Variants in PLG observed in about 807,000 individuals in gnomAD.
PLG encodes plasmin.
Under a neutral mutation model 104.4 loss-of-function variants are expected in PLG, and 41 were observed. That is an observed-to-expected ratio of 0.39 (90% confidence interval 0.31 to 0.51). PLG has a LOEUF of 0.51. Ranked by LOEUF, PLG falls within the 20% of genes least tolerant of loss-of-function variation. The pLI is 0.76. For missense variants in PLG, 891 were observed against 1,003.6 expected, an observed-to-expected ratio of 0.89 and a Z score of 1.52; for synonymous variants, 337 against 357.1, an observed-to-expected ratio of 0.94 and a Z score of 0.63.
chr6:160,732,002 G>A lies in PLG; in HGVS notation c.1587+109G>A. 2 of 1,096,028 alleles carry A rather than the reference G, an allele frequency of 1.8e-6. No individual in the cohort carries two copies. The highest frequency in any genetic ancestry group is 2.8e-6 in the Non-Finnish European group (2 of 718,354). 67.9% of individuals were successfully genotyped at this position (1,096,028 alleles called of 1,614,324 possible). On this transcript the variant is annotated intron_variant, in intron 12 of 18. Transcript: ENST00000308192. The surrounding 1 kb of genome is among the most constrained non-coding windows in gnomAD (Gnocchi z 4.5). ...ACCTGGACTGCTCTTTTTTGTAATG[G>A]GGGAGAGGGGACAGAAGAAAATATT...
At chr6:160,715,840 AAGG>A (rs1777718828) in intron 6 of PLG, among the ~76,000 whole-genome samples, 1 of 152,236 alleles carries the variant, frequency 6.6e-6, no homozygotes, top group Non-Finnish European at 1.5e-5. Flanking sequence ...AGGAAACCAG[AAGG>A]AGAAGAGGAT....
intron 1 of PLG, chr6:160,706,196 G>C: frequency 1.6e-6 from 1 of 630,140 alleles, no homozygotes; most frequent in Non-Finnish European, 2.8e-6. Context: ...GTAGTCCCCA[G>C]TGTCTTTAGT....
rs182389129 is a variant in PLG at position 160,744,834 on chromosome 6, A to G, written c.2125+3417A>G. 1.3e-3 allele frequency among the ~76,000 whole-genome samples: 203 copies of G among 152,306 alleles called. 2 individuals carry two copies. The highest frequency in any genetic ancestry group is 4.7e-3 in the African/African-American group (194 of 41,564). On this transcript the variant is annotated intron_variant, in intron 17 of 18. Transcript: ENST00000308192. The surrounding 1 kb of genome is among the most constrained non-coding windows in gnomAD (Gnocchi z 4.5). The stretch of plus-strand genomic sequence containing the variant: ...TCTTAACACTACCTTAGCTCTGTCC[A>G]AGAGATTCTGGTATGTTGTATCTTT...
At chr6:160,718,867 G>C in intron 9 of PLG, 29 bp downstream of exon 9, 1 of 1,606,074 alleles carries the variant, frequency 6.2e-7, no homozygotes, top group Non-Finnish European at 8.5e-7. Context: ...GCTTACTGAG[G>C]GCCCAAGTTT....
At chr6:160,727,130 T>A (rs1370633175) in intron 10 of PLG, among the ~76,000 whole-genome samples, 1 of 151,820 alleles carries the variant, frequency 6.6e-6, no homozygotes, top group African/African-American at 2.4e-5. Context: ...TTAAAGCTAA[T>A]AAACAAATAT....
At position 160,724,561 on chromosome 6, in the gene PLG, G is replaced by A. The variant is rs1226950740; in HGVS notation, c.1256+1994G>A. Among the ~76,000 whole-genome samples the A allele has an allele frequency of 6.6e-6, 1 of 151,968 alleles. No individual in the cohort carries two copies. The highest frequency in any genetic ancestry group is 6.6e-5 in the Admixed American group (1 of 15,264). ...CAGAAAAAAATACTTGAAGCAACAAGAAAAATCTTATTAGAAGCCAGAAGA... is the reference window on the plus strand; with the variant it reads ...CAGAAAAAAATACTTGAAGCAACAAAAAAAATCTTATTAGAAGCCAGAAGA... On this transcript the variant is annotated intron_variant, in intron 10 of 18. Transcript: ENST00000308192. This position sits in a 1 kb window ranked among gnomAD's most constrained non-coding sequence, Gnocchi z 5.0.
chr6:160,730,116 A>G lies in PLG; in HGVS notation c.1257-935A>G, dbSNP rs150234513. Among the ~76,000 whole-genome samples, 1,008 of 152,286 alleles carry G rather than the reference A, an allele frequency of 6.6e-3. 7 individuals carry two copies. Among genetic ancestry groups the G allele is most frequent in the African/African-American group, 0.023 (975 of 41,562 alleles). ...GAGGATTCTGAGAGGTTGGAGCAAC[A>G]TTCTTGGGAGGCATGAGGGGGAGCA... On this transcript the variant is annotated intron_variant, in intron 10 of 18. Coordinates refer to ENST00000308192, the MANE Select transcript of PLG (RefSeq NM_000301.5).
In PLG at chr6:160,739,431, G is replaced by T. The variant is rs1258612347; in HGVS notation, c.2018+223G>T. ...GACTCCGTTTTCTCATGTGGAAAAA[G>T]AGTTGAAATGAGGTACTCTGTTACT... On this transcript the variant is annotated intron_variant, in intron 16 of 18. Transcript: ENST00000308192. The surrounding 1 kb of genome is among the most constrained non-coding windows in gnomAD (Gnocchi z 4.4). 6.6e-6 allele frequency among the ~76,000 whole-genome samples: 1 copy of T among 152,108 alleles called. No individual in the cohort carries two copies. The highest frequency in any genetic ancestry group is 1.9e-4 in the East Asian group (1 of 5,188).
At chr6:160,705,512 T>C (rs4063596) in intron 1 of PLG, 2 of 152,234 alleles carry the variant, frequency 1.3e-5, no homozygotes, top group Non-Finnish European at 2.9e-5. Context: ...CAATTAGTAG[T>C]GTTGTGTGAC....
Position 160,731,225 on chromosome 6 carries a change from C to T in PLG, c.1431C>T (p.Ser477=), listed in dbSNP as rs4699. 7.5e-4 allele frequency: 1,211 copies of T among 1,613,272 alleles called. No homozygotes were observed. The highest frequency in any genetic ancestry group is 6.9e-3 in the African/African-American group (518 of 75,002). The change falls in exon 11 of 19, where the codon TCC becomes TCT. Residue 477 remains serine (S), a synonymous_variant. Coordinates refer to ENST00000308192, the MANE Select transcript of PLG (RefSeq NM_000301.5). The surrounding 1 kb of genome is among the most constrained non-coding windows in gnomAD (Gnocchi z 5.1). ...TGCTTCCAGATGTAGAGACTCCTTC[C>T]GAAGAAGGTAAGAAATCTGTGGCTG... ...VVLLPDVETP[S]EEDCMFGNGK...
rs1777999966 is a variant in PLG, at chr6:160,731,579, A to G, written c.1439-166A>G. 6.6e-6 allele frequency among the ~76,000 whole-genome samples: 1 copy of G among 152,150 alleles called. No homozygotes were observed. The highest frequency in any genetic ancestry group is 1.5e-5 in the Non-Finnish European group (1 of 68,030). ...TTCCAAGCCAGTAAGCATCTCCAGTAATTTCTTAAGGTAGGCAGCGTTCAT... is the reference window on the plus strand; with the variant it reads ...TTCCAAGCCAGTAAGCATCTCCAGTGATTTCTTAAGGTAGGCAGCGTTCAT... On this transcript the variant is annotated intron_variant, in intron 11 of 18. Coordinates refer to ENST00000308192, the MANE Select transcript of PLG (RefSeq NM_000301.5). The surrounding 1 kb of genome is among the most constrained non-coding windows in gnomAD (Gnocchi z 5.1).
In PLG at chr6:160,711,179, C is replaced by G. The variant is rs764292529; in HGVS notation, c.395C>G (p.Pro132Arg). The G allele has an allele frequency of 6.2e-7, 1 of 1,613,358 alleles. No homozygotes were observed. Among genetic ancestry groups the G allele is most frequent in the Non-Finnish European group, 8.5e-7 (1 of 1,179,368 alleles). Reference sequence around the variant, plus strand: ...TGTCAAAAATGGAGTTCCACTTCTCCCCACAGACCTAGGTAAGACATTCCC... The same window carrying G: ...TGTCAAAAATGGAGTTCCACTTCTCGCCACAGACCTAGGTAAGACATTCCC... ...ITCQKWSSTS[P>R]HRPRFSPATH... is the part of the protein sequence containing the mutation. The change falls in exon 4 of 19, where the codon CCC (proline) becomes CGC (arginine). Residue 132 changes from proline to arginine, a missense_variant. This residue lies in a region of PLG where 854 missense variants were observed against 932.1 expected (regional missense o/e 0.92). Coordinates refer to ENST00000308192, the MANE Select transcript of PLG (RefSeq NM_000301.5).
chr6:160,721,538 T>C (rs558538249), intron 9 of PLG, among the ~76,000 whole-genome samples: 1 of 152,346 alleles, frequency 6.6e-6, no homozygotes, highest in South Asian at 2.1e-4. Context: ...CTAAAGAGTT[T>C]TCTCCGTGTT....
chr6:160,706,929 T>C (rs1326949028), intron 2 of PLG, among the ~76,000 whole-genome samples: 1 of 144,956 alleles, frequency 6.9e-6, no homozygotes, highest in African/African-American at 2.6e-5. Flanking sequence ...TAAGGTGTAG[T>C]CAAAGAAACT....
At chr6:160,715,837 C>T (rs1438352890) in intron 6 of PLG, among the ~76,000 whole-genome samples, 2 of 152,208 alleles carry the variant, frequency 1.3e-5, no homozygotes, top group Non-Finnish European at 2.9e-5. Flanking sequence ...TCCAGGAAAC[C>T]AGAAGGAGAA....
chr6:160,731,927 TG>T lies in PLG; in HGVS notation c.1587+35del, dbSNP rs1778006445. ...CTTTGATTTGGACTCTTTGGCCTTT[TG>T]CTCACCAATCTTTGCAAACAGAATT... is the stretch of plus-strand genomic sequence containing the variant. On this transcript the variant is annotated intron_variant, in intron 12 of 18. Transcript: ENST00000308192. The surrounding 1 kb of genome is among the most constrained non-coding windows in gnomAD (Gnocchi z 5.1). The T allele has an allele frequency of 6.2e-7, 1 of 1,610,082 alleles. No individual in the cohort carries two copies. Among genetic ancestry groups the T allele is most frequent in the Admixed American group, 1.7e-5 (1 of 59,990 alleles).
intron 6 of PLG, among the ~76,000 whole-genome samples, chr6:160,715,802 G>A (rs1777717966): frequency 6.6e-6 from 1 of 152,226 alleles, no homozygotes; most frequent in Admixed American, 6.5e-5. Flanking sequence ...AAAGACCTAA[G>A]GGTCCAAAAC....
chr6:160,722,639 T>C, intron 10 of PLG, 72 bp downstream of exon 10: 1 of 1,411,616 alleles, frequency 7.1e-7, no homozygotes, highest in Non-Finnish European at 1.0e-6. Flanking sequence ...CCATGCTTCA[T>C]GCTTCAAGCC....
intron 17 of PLG, among the ~76,000 whole-genome samples, chr6:160,751,468 G>C (rs1778398614): frequency 6.6e-6 from 1 of 152,108 alleles, no homozygotes; most frequent in African/African-American, 2.4e-5. Flanking sequence ...GTTAATTCTT[G>C]GTAAATGATG....
Sources: gnomAD v4.1 joint callset for allele counts (sites outside exome capture counted in the v4.1 genomes callset) on GRCh38, gnomAD v4.1.1 for gene constraint, gnomAD v4.1.1 regional missense constraint, Gnocchi (gnomAD v3.1) non-coding constraint, MANE v1.5 for transcripts, NCBI Gene and HGNC (gene_info 2026-07-23, HGNC 2026-07-21) for gene names.